The following CCDC7 variants were observed in gnomAD, a reference collection of about 807,000 sequenced individuals.
The protein encoded by CCDC7 is coiled-coil domain-containing protein 7.
In CCDC7, 183 loss-of-function variants were observed where a neutral mutation model predicts 196.9. That is an observed-to-expected ratio of 0.93 (90% CI 0.82 to 1.05). CCDC7 has a LOEUF of 1.05. Ranked by LOEUF, CCDC7 falls within the 50% of genes least tolerant of loss-of-function variation. The pLI is 0.00. For synonymous variants in CCDC7, 525 were observed against 484.6 expected, an observed-to-expected ratio of 1.08 and a Z score of -1.10; for missense variants, 1,540 against 1,482.2, an observed-to-expected ratio of 1.04 and a Z score of -0.64.
intron 8 of CCDC7, among the ~76,000 whole-genome samples, chr10:32,489,963 C>T (rs994897155): frequency 3.3e-5 from 5 of 152,024 alleles, no homozygotes; most frequent in Non-Finnish European, 5.9e-5. Context: ...CAACATTTCT[C>T]TTATCTGGGG....
chr10:32,739,655 T>A (rs889719120), intron 28 of CCDC7, among the ~76,000 whole-genome samples: 11 of 122,556 alleles, frequency 9.0e-5, no homozygotes, highest in Admixed American at 1.5e-4. Context: ...TCAGACTATG[T>A]TTTTTTTTTT....
chr10:32,537,832 A>G (rs3006720), intron 11 of CCDC7, among the ~76,000 whole-genome samples: 20,993 of 151,834 alleles, frequency 0.14, 1,753 homozygotes, highest in East Asian at 0.25. Context: ...TGGCTTCTCT[A>G]TTCTGTTCCA....
intron 13 of CCDC7, 57 bp downstream of exon 14, chr10:32,544,358 C>A: frequency 1.3e-6 from 2 of 1,518,846 alleles, no homozygotes; most frequent in South Asian, 1.2e-5. Flanking sequence ...CTCTGATAGT[C>A]ATATATAGAG....
intron 8 of CCDC7, among the ~76,000 whole-genome samples, chr10:32,486,388 T>A (rs983183165): frequency 1.3e-5 from 2 of 151,702 alleles, no homozygotes; most frequent in African/African-American, 4.8e-5. Context: ...AGCCTGTGTG[T>A]GTCTCTGCAC....
chr10:32,563,523 A>G (rs2056176810), intron 13 of CCDC7, among the ~76,000 whole-genome samples: 1 of 152,218 alleles, frequency 6.6e-6, no homozygotes, highest in South Asian at 2.1e-4. Flanking sequence ...GATCTTTGAC[A>G]AACCTGAGAA....
At chr10:32,603,899 A>G (rs573956279) in intron 18 of CCDC7, among the ~76,000 whole-genome samples, 1 of 152,236 alleles carries the variant, frequency 6.6e-6, no homozygotes, top group South Asian at 2.1e-4. Flanking sequence ...CTCATTCAAC[A>G]AGCTGCCTTT....
At chr10:32,775,535 A>C (rs2079873117) in intron 28 of CCDC7, among the ~76,000 whole-genome samples, 2 of 152,196 alleles carry the variant, frequency 1.3e-5, no homozygotes, top group African/African-American at 4.8e-5. Flanking sequence ...AGATCTCCAA[A>C]GTGATTTGGT....
In CCDC7 at chr10:32,845,337, G is replaced by T. The variant is rs780191114; in HGVS notation, c.3436+11G>T. ...TAAAGGGTCACCAAAGTAAGAAAAA[G>T]AATTTTTCACATCTAATATTTATGG... On this transcript the variant is annotated intron_variant, in intron 34 of 41. Transcript: ENST00000639629. The T allele has an allele frequency of 3.3e-6, 5 of 1,533,334 alleles. No homozygotes were observed. In the Admixed American group the frequency reaches 7.8e-5, roughly 24 times the overall value. The allele number at this position is 1,533,334 out of a possible 1,614,324, so 95.0% of individuals were successfully genotyped here. A position where few individuals can be genotyped will look rare whatever the true frequency, so the allele number is the denominator to read the frequency against.
intron 41 of CCDC7, among the ~76,000 whole-genome samples, chr10:32,863,203 G>A (rs555343537): frequency 1.3e-5 from 2 of 152,082 alleles, no homozygotes; most frequent in African/African-American, 4.8e-5. Context: ...AGCAGTTACA[G>A]ATAAAAGGTA....
intron 5 of CCDC7, among the ~76,000 whole-genome samples, chr10:32,465,068 A>T (rs2036471119): frequency 6.6e-6 from 1 of 152,070 alleles, no homozygotes; most frequent in African/African-American, 2.4e-5. Flanking sequence ...ATAAGTGAGT[A>T]GGAGAAAAAT....
chr10:32,696,349 C>T (rs1379254733), intron 24 of CCDC7, among the ~76,000 whole-genome samples: 1 of 152,112 alleles, frequency 6.6e-6, no homozygotes. Context: ...ATCACAGTCG[C>T]CTGTGCACTA....
chr10:32,592,081 C>T (rs959674070), intron 18 of CCDC7, among the ~76,000 whole-genome samples: 2 of 152,124 alleles, frequency 1.3e-5, no homozygotes, highest in East Asian at 1.9e-4. Flanking sequence ...ATGATTTAGT[C>T]TTGGTAGGTT....
chr10:32,627,975 T>G (rs1457677909), intron 18 of CCDC7, among the ~76,000 whole-genome samples: 1 of 152,046 alleles, frequency 6.6e-6, no homozygotes, highest in African/African-American at 2.4e-5. Flanking sequence ...AGTAATTTTT[T>G]TTTCTTGTAA....
chr10:32,751,452 T>C (rs2075643668), intron 28 of CCDC7, among the ~76,000 whole-genome samples: 1 of 152,084 alleles, frequency 6.6e-6, no homozygotes, highest in South Asian at 2.1e-4. Flanking sequence ...GGTGGGAGCA[T>C]TCTTCCTTTG....
chr10:32,679,886 A>C (rs992118419), intron 21 of CCDC7, among the ~76,000 whole-genome samples: 3 of 152,208 alleles, frequency 2.0e-5, no homozygotes, highest in African/African-American at 4.8e-5. Flanking sequence ...AACTGATCCT[A>C]ATCATCTCTA....
intron 28 of CCDC7, among the ~76,000 whole-genome samples, chr10:32,764,342 T>G (rs1484223775): frequency 2.0e-5 from 3 of 151,896 alleles, no homozygotes; most frequent in African/African-American, 7.3e-5. Flanking sequence ...TCTAATTTAT[T>G]TAGACAGAAA....
intron 21 of CCDC7, among the ~76,000 whole-genome samples, chr10:32,675,123 A>G (rs990603308): frequency 1.3e-5 from 2 of 152,060 alleles, no homozygotes; most frequent in Non-Finnish European, 2.9e-5. Flanking sequence ...GTGAAGACTT[A>G]CTATTGCAAT....
chr10:32,659,413 C>G (rs2070740838), intron 20 of CCDC7, among the ~76,000 whole-genome samples: 1 of 152,092 alleles, frequency 6.6e-6, no homozygotes, highest in East Asian at 1.9e-4. Context: ...TGATTTCAGC[C>G]TTCTAAAATT....
intron 32 of CCDC7, among the ~76,000 whole-genome samples, chr10:32,830,137 TA>T (rs1289785103): frequency 1.7e-5 from 2 of 119,652 alleles, no homozygotes; most frequent in Non-Finnish European, 3.7e-5. Flanking sequence ...TATATATATA[TA>T]TATCCTATTA....
Sources: allele counts gnomAD v4.1 joint callset (sites outside exome capture counted in the v4.1 genomes callset), GRCh38; gene constraint gnomAD v4.1.1; transcripts MANE v1.5; gene names NCBI Gene and HGNC (gene_info 2026-07-23, HGNC 2026-07-21).